The following DGKB variants were observed in gnomAD, a reference collection of about 807,000 sequenced individuals.
DGKB encodes the protein diacylglycerol kinase beta, also known as 90 kDa diacylglycerol kinase.
DGKB carries 67 observed loss-of-function variants against 114.3 expected under a neutral mutation model. That is an observed-to-expected ratio of 0.59 (90% CI 0.48 to 0.72). The LOEUF (loss-of-function observed/expected upper bound fraction) is 0.72, where lower values mean the gene tolerates loss of function less well. Ranked by LOEUF, DGKB falls within the 30% of genes least tolerant of loss-of-function variation. The pLI is 0.00. For synonymous variants in DGKB, 398 were observed against 323.1 expected (o/e 1.23, Z -2.49); for missense variants, 907 against 975.2 (o/e 0.93, Z 0.93).
At chr7:14,814,014 C>T (rs1452037801) in intron 2 of DGKB, 2 of 152,006 alleles carry the variant, frequency 1.3e-5, no homozygotes, top group Admixed American at 6.6e-5. Context: ...ATATTCCATA[C>T]GTTTTCTCAA....
intron 6 of DGKB, among the ~76,000 whole-genome samples, chr7:14,706,803 A>G (rs1017712565): frequency 9.1e-6 from 1 of 109,582 alleles, no homozygotes; most frequent in African/African-American, 3.7e-5. Flanking sequence ...AATCTCTGGG[A>G]CGCATTCAAA....
intron 1 of DGKB, among the ~76,000 whole-genome samples, chr7:14,924,040 T>C (rs1013089379): frequency 1.5e-4 from 22 of 144,788 alleles, no homozygotes; most frequent in Admixed American, 1.4e-3. Flanking sequence ...TTTCTGAATA[T>C]GACCTGAAGG....
At chr7:14,225,785 C>T (rs1476451276) in intron 23 of DGKB, among the ~76,000 whole-genome samples, 1 of 151,880 alleles carries the variant, frequency 6.6e-6, no homozygotes, top group Non-Finnish European at 1.5e-5. Context: ...TTGTCTACCA[C>T]ACAAAGGCCT....
At chr7:14,548,180 T>C (rs569255202) in intron 20 of DGKB, among the ~76,000 whole-genome samples, 54 of 152,276 alleles carry the variant, frequency 3.5e-4, no homozygotes, top group Non-Finnish European at 6.8e-4. Context: ...TTTATTTACA[T>C]GTGAGTGATC....
chr7:14,497,769 G>A (rs552051527), intron 20 of DGKB, among the ~76,000 whole-genome samples: 1 of 151,994 alleles, frequency 6.6e-6, no homozygotes, highest in Admixed American at 6.6e-5. Flanking sequence ...GTGCAATACT[G>A]CAAAACCAAT....
intron 2 of DGKB, among the ~76,000 whole-genome samples, chr7:14,819,416 T>C (rs1008320228): frequency 6.6e-6 from 1 of 151,962 alleles, no homozygotes; most frequent in Non-Finnish European, 1.5e-5. Flanking sequence ...GGAAACCCCG[T>C]CTTTACAAAA....
chr7:14,898,082 A>G (rs1696494176), intron 1 of DGKB, among the ~76,000 whole-genome samples: 2 of 152,040 alleles, frequency 1.3e-5, no homozygotes, highest in South Asian at 2.1e-4. Flanking sequence ...GTGGAACCAT[A>G]TAGAAAGACT....
In DGKB at chr7:14,470,360, C is replaced by T. The variant is rs1265861160; in HGVS notation, c.1835+7801G>A. ...CACAAGGTAGAAGTGTGCCTTAAAA[C>T]ATGATAATAATTTACATTTTTAAAT... On this transcript the variant is annotated intron_variant, in intron 21 of 25. Transcript: ENST00000402815. 3.3e-5 allele frequency among the ~76,000 whole-genome samples: 5 copies of T among 151,916 alleles called. No individual in the cohort carries two copies. In the South Asian group the frequency reaches 8.3e-4, roughly 25 times the overall value.
chr7:14,918,561 T>C (rs565222185), intron 1 of DGKB, among the ~76,000 whole-genome samples: 31 of 152,192 alleles, frequency 2.0e-4, no homozygotes, highest in African/African-American at 7.5e-4. Flanking sequence ...TAACAAAATA[T>C]ATACAGGATG....
At position 14,841,361 on chromosome 7, in the gene DGKB, C is replaced by A; in HGVS notation, c.-98G>T. On this transcript the variant is annotated 5_prime_UTR_variant, in exon 2 of 26. An upstream start codon of the reference 5' UTR is lost. Transcript: ENST00000402815. ...TTCAAAGATTCCACATGGCATGTTTCATGATAAAATACCTCAGGCTTTCAA... is the reference window on the plus strand; with the variant it reads ...TTCAAAGATTCCACATGGCATGTTTAATGATAAAATACCTCAGGCTTTCAA... The A allele has an allele frequency of 2.0e-6, 2 of 1,021,556 alleles. No homozygotes were observed. The highest frequency in any genetic ancestry group is 1.6e-5 in the South Asian group (1 of 61,994). The allele number at this position is 1,021,556 out of a possible 1,614,324, so 63.3% of individuals were successfully genotyped here. A position where few individuals can be genotyped will look rare whatever the true frequency, so the allele number is the denominator to read the frequency against.
chr7:14,786,419 G>A (rs1291101033), intron 2 of DGKB, among the ~76,000 whole-genome samples: 1 of 152,178 alleles, frequency 6.6e-6, no homozygotes, highest in Admixed American at 6.5e-5. Context: ...ATCAACTCCT[G>A]TAAAATTGAT....
At chr7:14,298,100 G>A (rs1238976589) in intron 23 of DGKB, among the ~76,000 whole-genome samples, 3 of 152,156 alleles carry the variant, frequency 2.0e-5, no homozygotes, top group Non-Finnish European at 4.4e-5. Flanking sequence ...TGGATAGGAA[G>A]AATCAATATT....
intron 21 of DGKB, among the ~76,000 whole-genome samples, chr7:14,477,530 T>C (rs779442647): frequency 1.2e-4 from 18 of 152,162 alleles, no homozygotes; most frequent in Non-Finnish European, 1.0e-4. Flanking sequence ...TATTTCCTTC[T>C]AGAAATGGGG....
chr7:14,182,324 A>G (rs1462772096), intron 23 of DGKB, among the ~76,000 whole-genome samples: 1 of 151,648 alleles, frequency 6.6e-6, no homozygotes, highest in East Asian at 1.9e-4. Context: ...ATTTGTTAAT[A>G]AGAAAGCATA....
Position 14,601,858 on chromosome 7 carries a change from C to T in DGKB, c.1433+5576G>A, listed in dbSNP as rs1395010888. Among the ~76,000 whole-genome samples, 4 of 152,106 alleles carry T rather than the reference C, an allele frequency of 2.6e-5. No homozygotes were observed. In the South Asian group the frequency reaches 8.3e-4, roughly 32 times the overall value. On this transcript the variant is annotated intron_variant, in intron 17 of 25. Transcript: ENST00000402815. The stretch of plus-strand genomic sequence containing the variant: ...TGGCCTTTCTTATCCATATTTCTAG[C>T]AACATTTTGTTCGCAACCATGTAGA...
intron 1 of DGKB, among the ~76,000 whole-genome samples, chr7:14,850,722 A>G (rs1039078986): frequency 2.6e-5 from 4 of 152,204 alleles, no homozygotes; most frequent in Non-Finnish European, 5.9e-5. Context: ...CACTAAAGAC[A>G]TAGTAAAAAC....
At chr7:14,645,259 T>C (rs1202395259) in intron 13 of DGKB, among the ~76,000 whole-genome samples, 1 of 152,156 alleles carries the variant, frequency 6.6e-6, no homozygotes, top group Non-Finnish European at 1.5e-5. Flanking sequence ...CTACTATATC[T>C]TACTCACTTT....
At chr7:14,949,709 G>A (rs1028739642) in intron 1 of DGKB, among the ~76,000 whole-genome samples, 11 of 151,796 alleles carry the variant, frequency 7.2e-5, no homozygotes, top group African/African-American at 2.7e-4. Flanking sequence ...GCATACCATA[G>A]TAAAAATGAT....
intron 20 of DGKB, among the ~76,000 whole-genome samples, chr7:14,539,458 T>A (rs1793062923): frequency 6.6e-6 from 1 of 152,142 alleles, no homozygotes. Context: ...TTCATAAAAG[T>A]GATTGTATAA....
Sources: allele counts gnomAD v4.1 joint callset (sites outside exome capture counted in the v4.1 genomes callset), GRCh38; gene constraint gnomAD v4.1.1; transcripts MANE v1.5; gene names NCBI Gene and HGNC (gene_info 2026-07-23, HGNC 2026-07-21).